Variants in FRMPD4 observed in about 807,000 individuals in gnomAD.
FRMPD4 encodes FERM and PDZ domain-containing protein 4.
FRMPD4 carries 22 observed loss-of-function variants against 94.1 expected under a neutral mutation model. The observed-to-expected ratio is 0.23, with a 90% CI of 0.17 to 0.33. The LOEUF is 0.33. Among genes scored for constraint, FRMPD4 ranks in the 10% least tolerant of loss-of-function variants. FRMPD4 has a pLI of 1.00. For synonymous variants in FRMPD4, 631 were observed against 548.6 expected (o/e 1.15, Z -2.10); for missense variants, 1,111 against 1,339.9 (o/e 0.83, Z 2.67).
chrX:12,125,462 T>C (rs1232947922), intron 3 of FRMPD4, among the ~76,000 whole-genome samples: 6 of 111,908 alleles, frequency 5.4e-5, no homozygotes, highest in Non-Finnish European at 5.6e-5. Flanking sequence ...CCAAGTAATC[T>C]TTCCATCTTG....
chrX:12,015,128 G>A (rs1432004035), intron 3 of FRMPD4, among the ~76,000 whole-genome samples: 1 of 111,238 alleles, frequency 9.0e-6, no homozygotes, highest in African/African-American at 3.3e-5. Context: ...TAAAAGTGTG[G>A]TCAAAGGGAT....
chrX:12,497,267 A>T (rs1251072944), intron 1 of FRMPD4, among the ~76,000 whole-genome samples: 3 of 111,460 alleles, frequency 2.7e-5, no homozygotes, highest in Admixed American at 9.5e-5. Context: ...TTACTTTTGG[A>T]AACATTTTTA....
chrX:12,459,494 A>G (rs1001765341), intron 1 of FRMPD4, among the ~76,000 whole-genome samples: 2 of 111,462 alleles, frequency 1.8e-5, no homozygotes, highest in African/African-American at 6.5e-5. Context: ...CTGGCCCCAG[A>G]TATCCACTAA....
chrX:12,466,210 G>T (rs2057447543), intron 1 of FRMPD4, among the ~76,000 whole-genome samples: 1 of 112,123 alleles, frequency 8.9e-6, no homozygotes, highest in Non-Finnish European at 1.9e-5. Flanking sequence ...TCTCATTAAT[G>T]CAGATGGAGC....
chrX:12,518,093 C>T (rs1166107528), intron 2 of FRMPD4, among the ~76,000 whole-genome samples: 3 of 112,216 alleles, frequency 2.7e-5, no homozygotes, highest in African/African-American at 9.7e-5. Flanking sequence ...GGCCACCCCT[C>T]CCCCTGGGAG....
chrX:12,504,634 TGA>T (rs1318348808), intron 2 of FRMPD4, among the ~76,000 whole-genome samples: 1 of 112,580 alleles, frequency 8.9e-6, no homozygotes, highest in Non-Finnish European at 1.9e-5. Flanking sequence ...ACCTATCTGC[TGA>T]GTTAATAATC....
At chrX:12,015,038 C>A (rs1195937507) in intron 3 of FRMPD4, among the ~76,000 whole-genome samples, 2 of 111,386 alleles carry the variant, frequency 1.8e-5, no homozygotes, top group African/African-American at 3.3e-5. Context: ...TGGGCGAATT[C>A]TTTGCTGCAT....
At chrX:12,199,532 A>T (rs958284324) in intron 1 of FRMPD4, among the ~76,000 whole-genome samples, 11 of 111,726 alleles carry the variant, frequency 9.8e-5, no homozygotes, top group Non-Finnish European at 1.9e-4. Context: ...ATTTTGACCA[A>T]GCAGCTCTAC....
At chrX:12,682,369 T>C (rs1306037602) in intron 5 of FRMPD4, among the ~76,000 whole-genome samples, 2 of 112,367 alleles carry the variant, frequency 1.8e-5, no homozygotes, top group African/African-American at 6.5e-5. Context: ...CTCTGTGTTG[T>C]TTCTAGAGTC....
intron 1 of FRMPD4, among the ~76,000 whole-genome samples, chrX:12,269,084 C>A (rs1354703838): frequency 8.9e-6 from 1 of 111,895 alleles, no homozygotes; most frequent in Non-Finnish European, 1.9e-5. Flanking sequence ...GGTTCTGTTG[C>A]CATTTCCATA....
At chrX:12,681,723 GCACACACACGCACCC>G (rs1166033829) in intron 5 of FRMPD4, among the ~76,000 whole-genome samples, 10 of 108,203 alleles carry the variant, frequency 9.2e-5, no homozygotes, top group Non-Finnish European at 3.8e-5. Context: ...ACACACGCAC[GCACACACACGCACCC>G]CACACACACC....
intron 3 of FRMPD4, among the ~76,000 whole-genome samples, chrX:11,986,611 T>C (rs73190515): frequency 7.0e-4 from 78 of 110,906 alleles, no homozygotes; most frequent in Non-Finnish European, 1.4e-3. Flanking sequence ...AAGAAAACGA[T>C]ATAAAAGACC....
At chrX:12,536,900 T>G (rs1438735188) in intron 2 of FRMPD4, among the ~76,000 whole-genome samples, 1 of 111,655 alleles carries the variant, frequency 9.0e-6, no homozygotes, top group Non-Finnish European at 1.9e-5. Context: ...TATTTAAAAT[T>G]TTGATAATTC....
intron 1 of FRMPD4, among the ~76,000 whole-genome samples, chrX:12,376,959 A>G (rs182688760): frequency 1.8e-5 from 2 of 112,089 alleles, no homozygotes; most frequent in East Asian, 5.6e-4. Flanking sequence ...CTTCCTCCCA[A>G]TGGGGTGCTT....
At chrX:12,588,656 A>G (rs1203342306) in intron 2 of FRMPD4, among the ~76,000 whole-genome samples, 1 of 112,261 alleles carries the variant, frequency 8.9e-6, no homozygotes, top group Non-Finnish European at 1.9e-5. Flanking sequence ...AAATAATCCA[A>G]ATGATTTTGC....
At chrX:12,166,070 A>T (rs1225144737) in intron 1 of FRMPD4, among the ~76,000 whole-genome samples, 1 of 111,991 alleles carries the variant, frequency 8.9e-6, no homozygotes, top group East Asian at 2.8e-4. Context: ...TGCCCTGGCC[A>T]GTACTTCCAA....
At chrX:11,841,259 C>A (rs2053534723) in intron 1 of FRMPD4, among the ~76,000 whole-genome samples, 1 of 110,266 alleles carries the variant, frequency 9.1e-6, no homozygotes, top group South Asian at 3.9e-4. Context: ...TGGGTATATA[C>A]CCACTAATGG....
chrX:12,523,720 T>A (rs770407326), intron 2 of FRMPD4, among the ~76,000 whole-genome samples: 7 of 111,352 alleles, frequency 6.3e-5, no homozygotes, highest in Non-Finnish European at 1.3e-4. Flanking sequence ...TAGTTATAGA[T>A]CTAATTGGCT....
chrX:11,916,768 T>C lies in FRMPD4; in HGVS notation c.95+38750T>C, dbSNP rs181055148. On this transcript the variant is annotated intron_variant, in intron 3 of 18. Coordinates refer to the FRMPD4 transcript ENST00000640291. ...ATTCCATAAGGAGGGGACTGGGCAG[T>C]GTCTATACCATGAAGAGGGGACGAG... is the stretch of plus-strand genomic sequence containing the variant. 5.2e-4 allele frequency among the ~76,000 whole-genome samples: 58 copies of C among 111,720 alleles called. 1 individual carries two copies. In the East Asian group the frequency reaches 0.015, roughly 28 times the overall value.
Sources: gnomAD v4.1 joint callset for allele counts (sites outside exome capture counted in the v4.1 genomes callset) on GRCh38, gnomAD v4.1.1 for gene constraint, MANE v1.5 for transcripts, NCBI Gene and HGNC (gene_info 2026-07-23, HGNC 2026-07-21) for gene names.